The following KRT73 variants were observed in gnomAD, a reference collection of about 807,000 sequenced individuals.
KRT73 encodes the protein keratin, type II cytoskeletal 73.
A neutral mutation model predicts 47.2 loss-of-function variants in KRT73; 44 were observed. The observed-to-expected ratio is 0.93, with a 90% CI of 0.73 to 1.20. KRT73 has a LOEUF of 1.20. KRT73 is among the 50% of genes most tolerant of loss of function. The probability of loss-of-function intolerance (pLI) is 0.00; values close to 1 mark genes in which losing one functional copy is unlikely to be tolerated. For missense variants in KRT73, 713 were observed against 704.5 expected, an observed-to-expected ratio of 1.01 and a Z score of -0.14; for synonymous variants, 285 against 291.3, an observed-to-expected ratio of 0.98 and a Z score of 0.22.
Position 52,614,791 on chromosome 12 carries a change from G to A in KRT73, c.724-117C>T, listed in dbSNP as rs1592244309. 20 of 781,606 alleles carry A rather than the reference G, an allele frequency of 2.6e-5. No homozygotes were observed. In the East Asian group the frequency reaches 5.3e-4, roughly 21 times the overall value. 48.4% of individuals were successfully genotyped at this position (781,606 alleles called of 1,614,324 possible). On this transcript the variant is annotated intron_variant, in intron 3 of 8. Coordinates refer to ENST00000305748, the MANE Select transcript of KRT73 (RefSeq NM_175068.3). The stretch of plus-strand genomic sequence containing the variant: ...TAGCTGCCCAGGACTTCAGATCCAA[G>A]GGGCAGGAACCGGCCTTCCAGCCAC...
chr12:52,613,572 A>G (rs961689664), intron 5 of KRT73, 116 bp downstream of exon 5: 8 of 1,533,648 alleles, frequency 5.2e-6, no homozygotes, highest in South Asian at 3.8e-5. Flanking sequence ...AGTGCCCAGG[A>G]GAGTGCTGTG....
rs540267954 is a variant in KRT73, at chr12:52,613,770, C to A, written c.902G>T (p.Ser301Ile). The A allele has an allele frequency of 4.3e-6, 7 of 1,614,258 alleles. No homozygotes were observed. In the African/African-American group the frequency reaches 8.0e-5, roughly 18 times the overall value. The change falls in exon 5 of 9, where the codon AGC (serine) becomes ATC (isoleucine). Residue 301 changes from serine to isoleucine, a missense_variant. By Grantham distance (142) the Ser-to-Ile change is moderately radical (BLOSUM62 -2). Transcript: ENST00000305748. ...MDNNRNLDLD[S>I]IIAEVRAQYE... is the part of the protein sequence containing the mutation. ...CTGGGCACGGACCTCAGCAATGATG[C>A]TGTCCAGGTCCAGGTTCCGGTTGTT...
chr12:52,610,506 A>C (rs1940672183), intron 7 of KRT73, 109 bp downstream of exon 7: 3 of 1,007,664 alleles, frequency 3.0e-6, no homozygotes, highest in Non-Finnish European at 4.5e-6. Flanking sequence ...TTGTGGGTGA[A>C]GTAAACACAT....
At chr12:52,625,203 A>G in the KRT73 span, among the ~76,000 whole-genome samples, 2 of 152,184 alleles carry the variant, frequency 1.3e-5, no homozygotes. Flanking sequence ...GGAGGATGAG[A>G]AGACAAGCAA....
chr12:52,614,655 G>C lies in KRT73; in HGVS notation c.743C>G (p.Thr248Arg), dbSNP rs142246988. 3.0e-5 allele frequency: 49 copies of C among 1,613,604 alleles called. No homozygotes were observed. The highest frequency in any genetic ancestry group is 1.7e-4 in the Admixed American group (10 of 59,976). Reference protein sequence around the residue: ...VLKKDVDAAYTSKVELQAKVD... With the variant: ...VLKKDVDAAYRSKVELQAKVD... ...CTTGGCCTGCAGCTCCACTTTGCTC[G>C]TGTAAGCTGCGTCCACGTCCTATGG... Residue 248 changes from threonine to arginine, a missense_variant, in exon 4 of 9, where the codon ACG becomes AGG. By Grantham distance (71) the Thr-to-Arg change is moderately conservative (BLOSUM62 -1). Transcript: ENST00000305748.
chr12:52,628,307 C>T, the KRT73 span, among the ~76,000 whole-genome samples: 6 of 152,064 alleles, frequency 3.9e-5, no homozygotes, highest in Admixed American at 3.3e-4. Flanking sequence ...GGTTGCTCTC[C>T]AGGTGGATAA....
At chr12:52,620,235 T>G (rs373051179), upstream of KRT73, among the ~76,000 whole-genome samples, 20 of 147,928 alleles carry the variant, frequency 1.4e-4, no homozygotes, top group African/African-American at 4.8e-4. Context: ...TGCCTCAGCC[T>G]CCTGAGTAGC....
chr12:52,618,046 G>A (rs901760127), intron 1 of KRT73, 32 bp downstream of exon 1: 2 of 1,605,080 alleles, frequency 1.2e-6, no homozygotes, highest in African/African-American at 2.7e-5. Context: ...TAAAAGGGGA[G>A]CCCAAGATCA....
intron 3 of KRT73, chr12:52,615,062 TG>T (rs2120873360): frequency 1.9e-6 from 1 of 538,328 alleles, no homozygotes; most frequent in Non-Finnish European, 3.3e-6. Flanking sequence ...GAGTTGGGAC[TG>T]ACTATCCACA....
At chr12:52,614,394 G>A in intron 4 of KRT73, 185 bp downstream of exon 4, 1 of 536,596 alleles carries the variant, frequency 1.9e-6, no homozygotes, top group Non-Finnish European at 3.3e-6. Context: ...GACATCCTCA[G>A]GGCAGTCAGG....
At chr12:52,618,655 T>C (rs879210717), upstream of KRT73, 41 of 943,056 alleles carry the variant, frequency 4.3e-5, no homozygotes, top group South Asian at 8.0e-4. Flanking sequence ...GGGTTCAGTT[T>C]GCCTGGAAGC....
chr12:52,614,826 G>A, intron 3 of KRT73, 152 bp from the exon 4 acceptor site: 1 of 610,460 alleles, frequency 1.6e-6, no homozygotes, highest in South Asian at 2.1e-5. Context: ...CAACTTCACT[G>A]TCAGACTCAC....
In KRT73 at chr12:52,608,141, C is replaced by A; in HGVS notation, c.*55G>T. The A allele has an allele frequency of 6.4e-7, 1 of 1,553,616 alleles. No homozygotes were observed. Among genetic ancestry groups the A allele is most frequent in the Non-Finnish European group, 8.7e-7 (1 of 1,146,358 alleles). ...GACAGAGGAATTTCCTAGAAGAGTC[C>A]GGAGCAGTCTGCCAGGGCAAGGCAG... On this transcript the variant is annotated 3_prime_UTR_variant, in exon 9 of 9. Coordinates refer to ENST00000305748, the MANE Select transcript of KRT73 (RefSeq NM_175068.3).
rs550083162 is a variant in KRT73 at position 52,616,293 on chromosome 12, G to C, written c.535C>G (p.Leu179Val). 1.2e-6 allele frequency: 2 copies of C among 1,614,182 alleles called. No individual in the cohort carries two copies. Among genetic ancestry groups the C allele is most frequent in the South Asian group, 2.2e-5 (2 of 91,068 alleles). Residue 179 changes from leucine (L) to valine (V), a missense_variant, in exon 2 of 9, where the codon CTG becomes GTG. Leu to Val is a conservative substitution (Grantham distance 32). Coordinates refer to ENST00000305748, the MANE Select transcript of KRT73 (RefSeq NM_175068.3). ...QLDLNNCKNN[L>V]EPILEGYISN... ...ATGTAGCCCTCAAGGATGGGCTCCA[G>C]GTTATTCTTGCAGTTGTTCAGGTCC...
At chr12:52,617,547 T>C (rs1303162989) in intron 1 of KRT73, among the ~76,000 whole-genome samples, 1 of 152,180 alleles carries the variant, frequency 6.6e-6, no homozygotes, top group Non-Finnish European at 1.5e-5. Context: ...TGTTACGGAC[T>C]GAGTCTGAGC....
At chr12:52,615,017 C>A (rs1217567366) in intron 3 of KRT73, 1 of 537,780 alleles carries the variant, frequency 1.9e-6, no homozygotes, top group Non-Finnish European at 3.3e-6. Context: ...CAGCCCCTCC[C>A]AAAGCCTGTC....
At chr12:52,613,907 A>C (rs1419428344) in intron 4 of KRT73, 55 bp from the exon 5 acceptor site, 1 of 1,588,082 alleles carries the variant, frequency 6.3e-7, no homozygotes, top group African/African-American at 1.3e-5. Context: ...GAAAGGTCCC[A>C]AGGTGATGGC....
At chr12:52,616,724 T>C (rs1474652617) in intron 1 of KRT73, among the ~76,000 whole-genome samples, 1 of 152,098 alleles carries the variant, frequency 6.6e-6, no homozygotes, top group Non-Finnish European at 1.5e-5. Context: ...GGCAGCCCCT[T>C]AGACACAAGC....
chr12:52,613,051 G>A (rs1295005568), intron 5 of KRT73, among the ~76,000 whole-genome samples: 1 of 152,132 alleles, frequency 6.6e-6, no homozygotes, highest in Non-Finnish European at 1.5e-5. Flanking sequence ...CACCACTGCA[G>A]GCTAGCAAGG....
Sources: gnomAD v4.1 joint callset for allele counts (sites outside exome capture counted in the v4.1 genomes callset) on GRCh38, gnomAD v4.1.1 for gene constraint, MANE v1.5 for transcripts, NCBI Gene and HGNC (gene_info 2026-07-23, HGNC 2026-07-21) for gene names.